Variants in OSBPL2 observed in about 807,000 individuals in gnomAD.
OSBPL2 encodes the protein oxysterol-binding protein-related protein 2.
In OSBPL2, 18 loss-of-function variants were observed where a neutral mutation model predicts 58.4. That is an observed-to-expected ratio of 0.31 (90% CI 0.21 to 0.46). The LOEUF (loss-of-function observed/expected upper bound fraction) is 0.46. Ranked by LOEUF, OSBPL2 falls within the 20% of genes least tolerant of loss-of-function variation. The probability of loss-of-function intolerance (pLI) is 1.00; values close to 1 mark genes in which losing one functional copy is unlikely to be tolerated. For missense variants in OSBPL2, 461 were observed against 616.5 expected (o/e 0.75, Z 2.67); for synonymous variants, 221 against 234.1 (o/e 0.94, Z 0.51).
chr20:62,249,560 A>G (rs1019107078), intron 1 of OSBPL2, among the ~76,000 whole-genome samples: 2 of 152,080 alleles, frequency 1.3e-5, no homozygotes, highest in Non-Finnish European at 2.9e-5. Context: ...TTTTAAAATT[A>G]TTTTTGCTTT....
At chr20:62,241,324 C>T (rs1218688350) in intron 1 of OSBPL2, among the ~76,000 whole-genome samples, 1 of 152,206 alleles carries the variant, frequency 6.6e-6, no homozygotes, top group African/African-American at 2.4e-5. Context: ...TCCCAAGTAG[C>T]TGGGACTACA....
rs372537630 is a variant in OSBPL2, at chr20:62,269,774, G to A, written c.259-2351G>A. 3.9e-5 allele frequency among the ~76,000 whole-genome samples: 6 copies of A among 152,320 alleles called. No individual in the cohort carries two copies. Among genetic ancestry groups the A allele is most frequent in the African/African-American group, 1.4e-4 (6 of 41,566 alleles). ...CTCTGCCACGTGTTCTTGCAGTGCCGAGCTCTGATCACAAGGGTCACCTCT... is the reference window on the plus strand; with the variant it reads ...CTCTGCCACGTGTTCTTGCAGTGCCAAGCTCTGATCACAAGGGTCACCTCT... On this transcript the variant is annotated intron_variant, in intron 4 of 13. Coordinates refer to ENST00000313733, the MANE Select transcript of OSBPL2 (RefSeq NM_144498.4). The surrounding 1 kb of genome is among the most constrained non-coding windows in gnomAD (Gnocchi z 4.2).
At chr20:62,276,684 C>T (rs2145958244) in intron 6 of OSBPL2, among the ~76,000 whole-genome samples, 1 of 152,300 alleles carries the variant, frequency 6.6e-6, no homozygotes, top group South Asian at 2.1e-4. Flanking sequence ...AACTGTCGGT[C>T]TTGGCACAAG....
Position 62,284,031 on chromosome 20 carries a change from C to T in OSBPL2, c.873-15C>T, listed in dbSNP as rs767399751. 6.2e-7 allele frequency: 1 copy of T among 1,605,768 alleles called. No homozygotes were observed. Among genetic ancestry groups the T allele is most frequent in the East Asian group, 2.2e-5 (1 of 44,752 alleles). Reference sequence around the variant, plus strand: ...ATGACTAAGACTTGTCTTTAAAAATCCCATTTAATTACAGCAAAAAGAAGC... The same window carrying T: ...ATGACTAAGACTTGTCTTTAAAAATTCCATTTAATTACAGCAAAAAGAAGC... On this transcript the variant is annotated splice_polypyrimidine_tract_variant and intron_variant, in intron 9 of 13. Transcript: ENST00000313733.
chr20:62,240,267 CCAGTGCCTGCCA>C (rs1403040552), intron 1 of OSBPL2, among the ~76,000 whole-genome samples: 1 of 152,170 alleles, frequency 6.6e-6, no homozygotes, highest in Non-Finnish European at 1.5e-5. Flanking sequence ...CCTGCCCAGC[CCAGTGCCTGCCA>C]CAGTGTCGTC....
intron 1 of OSBPL2, among the ~76,000 whole-genome samples, chr20:62,248,960 G>A (rs184962651): frequency 6.6e-6 from 1 of 152,126 alleles, no homozygotes; most frequent in Non-Finnish European, 1.5e-5. Context: ...GGCTTCCCAA[G>A]GTATTGGGGT....
chr20:62,259,564 G>A (rs1369427653), intron 2 of OSBPL2, among the ~76,000 whole-genome samples: 1 of 152,186 alleles, frequency 6.6e-6, no homozygotes, highest in African/African-American at 2.4e-5. Context: ...AGACCAAGAC[G>A]CAGACCTTGG....
chr20:62,292,171 A>G (rs773836251), intron 13 of OSBPL2, among the ~76,000 whole-genome samples: 4 of 152,304 alleles, frequency 2.6e-5, no homozygotes, highest in African/African-American at 4.8e-5. Context: ...TTTCTTTTCA[A>G]CTGTGGCAAA....
chr20:62,248,208 G>T (rs1270265468), intron 1 of OSBPL2, among the ~76,000 whole-genome samples: 2 of 131,238 alleles, frequency 1.5e-5, no homozygotes, highest in Admixed American at 1.8e-4. Flanking sequence ...AGGCTGGAGT[G>T]CAATGGCTAA....
chr20:62,272,244 C>T lies in OSBPL2; in HGVS notation c.378C>T (p.Pro126=). The T allele has an allele frequency of 6.2e-7, 1 of 1,613,238 alleles. No individual in the cohort carries two copies. Among genetic ancestry groups the T allele is most frequent in the Admixed American group, 1.7e-5 (1 of 59,984 alleles). ...ACAGGGCCTCCTGCCAGCCCCAGCC[C>T]CTGGAGAGGATGCAGGTGGGCCTTA... The part of the protein sequence containing the change: ...LIHRASCQPQ[P]LERMQSVAAF... Residue 126 remains proline, a synonymous_variant, in exon 5 of 14, where the codon CCC becomes CCT. Coordinates refer to ENST00000313733, the MANE Select transcript of OSBPL2 (RefSeq NM_144498.4).
intron 1 of OSBPL2, among the ~76,000 whole-genome samples, chr20:62,248,621 C>T (rs1409400375): frequency 6.6e-6 from 1 of 152,170 alleles, no homozygotes; most frequent in Non-Finnish European, 1.5e-5. Flanking sequence ...CCGTGGTGGT[C>T]AGCACCGGAT....
chr20:62,249,837 G>A (rs995408606), intron 1 of OSBPL2, among the ~76,000 whole-genome samples: 1 of 152,200 alleles, frequency 6.6e-6, no homozygotes, highest in Non-Finnish European at 1.5e-5. Flanking sequence ...GCCTCCCAAA[G>A]TGCTGGGATT....
At chr20:62,239,146 C>CT (rs1979547706) in intron 1 of OSBPL2, 1 of 152,226 alleles carries the variant, frequency 6.6e-6, no homozygotes, top group Non-Finnish European at 1.5e-5. Flanking sequence ...TCCCGCAGGC[C>CT]TGTGTGCACG....
chr20:62,279,688 C>T (rs1300473351), intron 7 of OSBPL2, among the ~76,000 whole-genome samples: 1 of 152,226 alleles, frequency 6.6e-6, no homozygotes, highest in Non-Finnish European at 1.5e-5. Flanking sequence ...ATAACTGTCC[C>T]AAACTTAGCA....
At chr20:62,251,037 A>AT (rs35328509) in intron 1 of OSBPL2, among the ~76,000 whole-genome samples, 10,589 of 97,770 alleles carry the variant, frequency 0.11, 906 homozygotes, top group Non-Finnish European at 0.13. Context: ...AGAGCAATAG[A>AT]TTTTTTTTTT....
At chr20:62,262,723 C>T (rs1324481653) in intron 3 of OSBPL2, among the ~76,000 whole-genome samples, 1 of 152,212 alleles carries the variant, frequency 6.6e-6, no homozygotes, top group Non-Finnish European at 1.5e-5. Context: ...CAGACAAGAG[C>T]TCGTGCTTTC....
chr20:62,293,793 A>G lies in OSBPL2; in HGVS notation c.1349A>G (p.Tyr450Cys), dbSNP rs1983682264. 6.2e-7 allele frequency: 1 copy of G among 1,613,710 alleles called. No homozygotes were observed. The highest frequency in any genetic ancestry group is 8.5e-7 in the Non-Finnish European group (1 of 1,179,854). Residue 450 changes from tyrosine (Y) to cysteine (C), a missense_variant, in exon 14 of 14, where the codon TAC becomes TGC. Transcript: ENST00000313733. ...TCCCTTGTATCCGGCAGGTGGTTCTACCCAGGCAATAACCCCTACACTGGG... is the reference window on the plus strand; with the variant it reads ...TCCCTTGTATCCGGCAGGTGGTTCTGCCCAGGCAATAACCCCTACACTGGG... Reference protein sequence around the residue: ...EEAEWQTRWFYPGNNPYTGTP... With the variant: ...EEAEWQTRWFCPGNNPYTGTP...
Position 62,281,768 on chromosome 20 carries a change from CCTG to C in OSBPL2, c.783-21_783-19del. 1 of 1,564,836 alleles carries C rather than the reference CCTG, an allele frequency of 6.4e-7. No homozygotes were observed. The highest frequency in any genetic ancestry group is 8.8e-7 in the Non-Finnish European group (1 of 1,136,262). On this transcript the variant is annotated intron_variant, in intron 8 of 13. Coordinates refer to ENST00000313733, the MANE Select transcript of OSBPL2 (RefSeq NM_144498.4). The stretch of plus-strand genomic sequence containing the variant: ...GCTGTTTGCTGTCTTGCAGCAGAAA[CCTG>C]TGTTTGTTTTTCTCACAGAACTGGA...
At position 62,256,070 on chromosome 20, in the gene OSBPL2, A is replaced by G. The variant is rs1395706208; in HGVS notation, c.-115A>G. 21 of 1,297,468 alleles carry G rather than the reference A, an allele frequency of 1.6e-5. No individual in the cohort carries two copies. The highest frequency in any genetic ancestry group is 1.9e-5 in the Non-Finnish European group (18 of 933,940). 80.4% of individuals were successfully genotyped at this position (1,297,468 alleles called of 1,614,324 possible). ...TTTTCCCTTTAGATCTTCAGTGTCT[A>G]TTGGATTTTTCCAAGAGAAAGTTTG... On this transcript the variant is annotated 5_prime_UTR_variant, in exon 2 of 14. Coordinates refer to ENST00000313733, the MANE Select transcript of OSBPL2 (RefSeq NM_144498.4).
Sources: allele counts gnomAD v4.1 joint callset (sites outside exome capture counted in the v4.1 genomes callset), GRCh38; gene constraint gnomAD v4.1.1; non-coding constraint Gnocchi (gnomAD v3.1); transcripts MANE v1.5; gene names NCBI Gene and HGNC (gene_info 2026-07-23, HGNC 2026-07-21).